NELL1: variants seen among roughly 807,000 people sequenced by gnomAD.
NELL1 encodes protein kinase C-binding protein NELL1.
A neutral mutation model predicts 107.4 loss-of-function variants in NELL1; 76 were observed. The ratio of observed to expected loss-of-function variants is 0.71; its 90% CI spans 0.59 to 0.86. NELL1 has a LOEUF of 0.86. Ranked by LOEUF, NELL1 falls within the 40% of genes least tolerant of loss-of-function variation. The pLI, the probability that NELL1 is intolerant of heterozygous loss-of-function variation, is 0.00. For synonymous variants in NELL1, 353 were observed against 341.2 expected (o/e 1.03, Z -0.38); for missense variants, 1,024 against 1,005.5 (o/e 1.02, Z -0.25).
intron 14 of NELL1, among the ~76,000 whole-genome samples, chr11:21,271,892 C>A (rs908531919): frequency 7.2e-5 from 11 of 152,142 alleles, no homozygotes; most frequent in African/African-American, 2.7e-4. Context: ...ATGATCATAA[C>A]AATAGATGCA....
chr11:20,869,135 G>C (rs1311188851), intron 4 of NELL1, among the ~76,000 whole-genome samples: 1 of 152,168 alleles, frequency 6.6e-6, no homozygotes, highest in African/African-American at 2.4e-5. Context: ...TAAGGCCTTA[G>C]ATTTCATCAA....
intron 13 of NELL1, among the ~76,000 whole-genome samples, chr11:21,209,021 C>G (rs1213573602): frequency 6.6e-6 from 1 of 152,072 alleles, no homozygotes; most frequent in African/African-American, 2.4e-5. Flanking sequence ...AGATAGCCCT[C>G]CCCAAAACTT....
chr11:20,786,217 G>A (rs1247395011), intron 3 of NELL1, among the ~76,000 whole-genome samples: 1 of 152,000 alleles, frequency 6.6e-6, no homozygotes, highest in East Asian at 1.9e-4. Flanking sequence ...GGGTGTGGTA[G>A]TGCATGCCTG....
chr11:21,444,038 C>T (rs1285503172), intron 15 of NELL1, among the ~76,000 whole-genome samples: 4 of 152,036 alleles, frequency 2.6e-5, no homozygotes, highest in African/African-American at 9.7e-5. Context: ...AAGACATTTT[C>T]TCTCTGTATG....
chr11:21,076,959 T>C (rs1854150843), intron 12 of NELL1, among the ~76,000 whole-genome samples: 1 of 152,112 alleles, frequency 6.6e-6, no homozygotes, highest in Non-Finnish European at 1.5e-5. Context: ...CTGTATAGCC[T>C]GCAGAACCAC....
At chr11:21,384,107 GACA>G (rs1298342455) in intron 15 of NELL1, among the ~76,000 whole-genome samples, 1 of 151,838 alleles carries the variant, frequency 6.6e-6, no homozygotes, top group African/African-American at 2.4e-5. Flanking sequence ...CCTTTTACAT[GACA>G]ACATCATCAT....
intron 15 of NELL1, among the ~76,000 whole-genome samples, chr11:21,432,555 T>C (rs1403562945): frequency 6.6e-6 from 1 of 152,172 alleles, no homozygotes; most frequent in Non-Finnish European, 1.5e-5. Flanking sequence ...AAAGGGATAT[T>C]GTACATTTTT....
chr11:21,105,572 A>G (rs761669856), intron 12 of NELL1, among the ~76,000 whole-genome samples: 5 of 152,068 alleles, frequency 3.3e-5, no homozygotes, highest in Non-Finnish European at 7.4e-5. Flanking sequence ...GCCTTTTCCT[A>G]TTGGCACAGC....
intron 14 of NELL1, among the ~76,000 whole-genome samples, chr11:21,259,906 T>A (rs528560436): frequency 6.6e-6 from 1 of 152,034 alleles, no homozygotes; most frequent in African/African-American, 2.4e-5. Context: ...GGGTCATATG[T>A]GAGCAATAAA....
At chr11:20,854,764 A>T (rs1454934673) in intron 4 of NELL1, among the ~76,000 whole-genome samples, 1 of 152,170 alleles carries the variant, frequency 6.6e-6, no homozygotes, top group Non-Finnish European at 1.5e-5. Context: ...TAGCTCGGTG[A>T]CCTACAAGAC....
chr11:21,376,908 C>G (rs1416503606), intron 15 of NELL1, among the ~76,000 whole-genome samples: 3 of 152,100 alleles, frequency 2.0e-5, no homozygotes, highest in Admixed American at 2.0e-4. Context: ...TATCCTGAAA[C>G]TTTACTGAAG....
intron 12 of NELL1, among the ~76,000 whole-genome samples, chr11:21,109,555 T>C (rs559732551): frequency 6.6e-6 from 1 of 152,150 alleles, no homozygotes; most frequent in Non-Finnish European, 1.5e-5. Flanking sequence ...TGTCACCACC[T>C]GGGCAAAGGT....
intron 12 of NELL1, among the ~76,000 whole-genome samples, chr11:20,976,016 C>T (rs1311196708): frequency 1.5e-5 from 2 of 136,260 alleles, no homozygotes; most frequent in African/African-American, 2.9e-5. Flanking sequence ...TACATTATAT[C>T]TGTACATATA....
chr11:20,769,535 C>T (rs1036701453), intron 2 of NELL1: 1 of 152,236 alleles, frequency 6.6e-6, no homozygotes, highest in Non-Finnish European at 1.5e-5. Flanking sequence ...CCATCTTAAT[C>T]ACCACAGTAC....
At chr11:21,150,554 G>T (rs533631993) in intron 13 of NELL1, among the ~76,000 whole-genome samples, 2 of 152,112 alleles carry the variant, frequency 1.3e-5, no homozygotes, top group African/African-American at 4.8e-5. Context: ...TACTTTTGCC[G>T]CACTGGTTGG....
intron 2 of NELL1, among the ~76,000 whole-genome samples, chr11:20,697,215 C>A (rs1328218557): frequency 6.6e-6 from 1 of 152,062 alleles, no homozygotes; most frequent in African/African-American, 2.4e-5. Context: ...TTTCAAAAAT[C>A]ATTTTGGAAC....
At chr11:21,433,865 G>A (rs1488220011) in intron 15 of NELL1, among the ~76,000 whole-genome samples, 3 of 151,902 alleles carry the variant, frequency 2.0e-5, no homozygotes, top group Non-Finnish European at 2.9e-5. Flanking sequence ...AGTAGAGATG[G>A]GGTTTCTCCA....
At chr11:21,050,195 G>T (rs1207579915) in intron 12 of NELL1, among the ~76,000 whole-genome samples, 1 of 152,054 alleles carries the variant, frequency 6.6e-6, no homozygotes, top group Non-Finnish European at 1.5e-5. Context: ...GAGATAATAT[G>T]TATGGTTTTA....
intron 4 of NELL1, among the ~76,000 whole-genome samples, chr11:20,876,866 G>A (rs1214069981): frequency 6.6e-6 from 1 of 152,224 alleles, no homozygotes; most frequent in Non-Finnish European, 1.5e-5. Flanking sequence ...TTGAGGACCT[G>A]CTCTGAAGAG....
Sources: gnomAD v4.1 joint callset for allele counts (sites outside exome capture counted in the v4.1 genomes callset) on GRCh38, gnomAD v4.1.1 for gene constraint, MANE v1.5 for transcripts, NCBI Gene and HGNC (gene_info 2026-07-23, HGNC 2026-07-21) for gene names.